The following AFAP1L1 variants were observed in gnomAD, a reference collection of about 807,000 sequenced individuals.
AFAP1L1 encodes the protein actin filament-associated protein 1-like 1.
Under a neutral mutation model 99.8 loss-of-function variants are expected in AFAP1L1, and 77 were observed. That is an observed-to-expected ratio of 0.77 (90% CI 0.64 to 0.93). AFAP1L1 has a LOEUF of 0.93. Among genes scored for constraint, AFAP1L1 ranks in the 40% least tolerant of loss-of-function variants. AFAP1L1 has a pLI of 0.00. For missense variants in AFAP1L1, 893 were observed against 996.8 expected (o/e 0.90, Z 1.40); for synonymous variants, 373 against 395.3 (o/e 0.94, Z 0.67).
Position 149,307,446 on chromosome 5 carries a change from G to A in AFAP1L1, c.580G>A (p.Glu194Lys). 1 of 1,614,144 alleles carries A rather than the reference G, an allele frequency of 6.2e-7. No homozygotes were observed. The highest frequency in any genetic ancestry group is 8.5e-7 in the Non-Finnish European group (1 of 1,180,016). Reference sequence around the variant, plus strand: ...GAGCAGCTCCTATGAGTCCTACGATGAAGAGGAGGAGGAAGGGAAGAGCCC... The same window carrying A: ...GAGCAGCTCCTATGAGTCCTACGATAAAGAGGAGGAGGAAGGGAAGAGCCC... ...AMSSSYESYD[E>K]EEEEGKSPQP... The change falls in exon 7 of 19, where the codon GAA becomes AAA. Residue 194 changes from glutamate to lysine, a missense_variant. Transcript: ENST00000296721.
chr5:149,314,341 T>C (rs1756732677), intron 9 of AFAP1L1, among the ~76,000 whole-genome samples: 2 of 152,148 alleles, frequency 1.3e-5, no homozygotes, highest in South Asian at 4.1e-4. Flanking sequence ...TTGAAAGATG[T>C]GTAGAGGGGA....
intron 1 of AFAP1L1, among the ~76,000 whole-genome samples, chr5:149,279,585 G>A (rs11954165): frequency 1.3e-5 from 2 of 152,148 alleles, no homozygotes; most frequent in Non-Finnish European, 2.9e-5. Context: ...TGCAATTAAG[G>A]ACAGTTATTT....
At chr5:149,299,717 C>A in intron 2 of AFAP1L1, 80 bp downstream of exon 2, 1 of 1,586,444 alleles carries the variant, frequency 6.3e-7, no homozygotes, top group South Asian at 1.1e-5. Context: ...CAAGAACATG[C>A]AGGAACCCTC....
At chr5:149,283,994 G>A (rs534344986) in intron 1 of AFAP1L1, among the ~76,000 whole-genome samples, 2 of 152,360 alleles carry the variant, frequency 1.3e-5, no homozygotes, top group African/African-American at 2.4e-5. Context: ...TATCTAGTCA[G>A]TGTCCATCAA....
chr5:149,291,517 T>C (rs1393774379), intron 1 of AFAP1L1, among the ~76,000 whole-genome samples: 1 of 88,822 alleles, frequency 1.1e-5, no homozygotes, highest in African/African-American at 4.9e-5. Context: ...AGAGCGTGAC[T>C]CCGTCTCAAA....
At chr5:149,293,830 CTAT>C (rs1454422917) in intron 1 of AFAP1L1, among the ~76,000 whole-genome samples, 1 of 152,180 alleles carries the variant, frequency 6.6e-6, no homozygotes, top group Non-Finnish European at 1.5e-5. Flanking sequence ...GGTTGGGATC[CTAT>C]TATTCTCATT....
intron 1 of AFAP1L1, among the ~76,000 whole-genome samples, chr5:149,293,009 C>G (rs1189731051): frequency 2.6e-5 from 4 of 152,214 alleles, no homozygotes; most frequent in Non-Finnish European, 5.9e-5. Context: ...TGTGCCACAG[C>G]CATCCCAAGC....
At chr5:149,302,237 TG>T (rs1756246308) in intron 4 of AFAP1L1, among the ~76,000 whole-genome samples, 180 bp from the exon 5 acceptor site, 2 of 151,806 alleles carry the variant, frequency 1.3e-5, no homozygotes, top group Non-Finnish European at 2.9e-5. Flanking sequence ...TAAAAAAAAT[TG>T]GGGTAAGAAT....
At chr5:149,333,371 A>ACTCCAGAGCCCTG (rs1757312534) in intron 17 of AFAP1L1, among the ~76,000 whole-genome samples, 1 of 152,128 alleles carries the variant, frequency 6.6e-6, no homozygotes, top group African/African-American at 2.4e-5. Flanking sequence ...AGGAAGTCTA[A>ACTCCAGAGCCCTG]CTCCAGAGCC....
chr5:149,277,464 A>G (rs1351713227), intron 1 of AFAP1L1, among the ~76,000 whole-genome samples: 1 of 152,134 alleles, frequency 6.6e-6, no homozygotes, highest in Admixed American at 6.5e-5. Flanking sequence ...AATCCATATG[A>G]TGACCTCCCC....
chr5:149,297,502 C>T (rs530995519), intron 1 of AFAP1L1, among the ~76,000 whole-genome samples: 14 of 152,278 alleles, frequency 9.2e-5, no homozygotes, highest in African/African-American at 1.9e-4. Context: ...GATGGAAACA[C>T]GCACAGAAAG....
At chr5:149,287,716 G>A (rs1755726255) in intron 1 of AFAP1L1, among the ~76,000 whole-genome samples, 1 of 151,424 alleles carries the variant, frequency 6.6e-6, no homozygotes, top group Non-Finnish European at 1.5e-5. Flanking sequence ...CTGAGTAGCT[G>A]GGACTACAGA....
rs1180542735 is a variant in AFAP1L1, at chr5:149,341,697, T to C, written c.*1667T>C. On this transcript the variant is annotated 3_prime_UTR_variant, in exon 19 of 19. Coordinates refer to ENST00000296721, the MANE Select transcript of AFAP1L1 (RefSeq NM_152406.4). ...GCTTGAGCCCAGGAGTTTGAGACTGTAGTGCACTATGATCACGCCTGTGAA... is the reference window on the plus strand; with the variant it reads ...GCTTGAGCCCAGGAGTTTGAGACTGCAGTGCACTATGATCACGCCTGTGAA... 1.3e-5 allele frequency: 2 copies of C among 151,992 alleles called. No homozygotes were observed. Among genetic ancestry groups the C allele is most frequent in the East Asian group, 3.9e-4 (2 of 5,180 alleles). The allele number at this position is 151,992 out of a possible 1,614,324, so 9.4% of individuals were successfully genotyped here. A position where few individuals can be genotyped will look rare whatever the true frequency, so the allele number is the denominator to read the frequency against.
At chr5:149,317,477 C>A (rs1014200714) in intron 11 of AFAP1L1, among the ~76,000 whole-genome samples, 3 of 152,150 alleles carry the variant, frequency 2.0e-5, no homozygotes, top group African/African-American at 7.2e-5. Context: ...TGCAGTAGTT[C>A]CTGCCCTTTT....
chr5:149,313,929 C>T (rs936218735), intron 9 of AFAP1L1, among the ~76,000 whole-genome samples: 3 of 152,206 alleles, frequency 2.0e-5, no homozygotes, highest in African/African-American at 7.2e-5. Context: ...GAACTGAAAA[C>T]GGCCAGTATG....
chr5:149,330,529 A>AT (rs762746685), intron 16 of AFAP1L1, among the ~76,000 whole-genome samples: 1 of 152,302 alleles, frequency 6.6e-6, no homozygotes, highest in East Asian at 1.9e-4. Context: ...TCAGGAGCTC[A>AT]TGTGGCTGCC....
At chr5:149,299,735 C>T (rs1289392974) in intron 2 of AFAP1L1, 98 bp downstream of exon 2, 12 of 1,538,132 alleles carry the variant, frequency 7.8e-6, no homozygotes, top group East Asian at 2.3e-5. Context: ...CTCCGCCCCA[C>T]CCCCACCCCC....
chr5:149,278,686 T>C lies in AFAP1L1; in HGVS notation c.16+6702T>C, dbSNP rs115113066. 3.5e-3 allele frequency among the ~76,000 whole-genome samples: 533 copies of C among 152,354 alleles called. 5 individuals carry two copies. Among genetic ancestry groups the C allele is most frequent in the African/African-American group, 0.012 (490 of 41,592 alleles). On this transcript the variant is annotated intron_variant, in intron 1 of 18. Coordinates refer to ENST00000296721, the MANE Select transcript of AFAP1L1 (RefSeq NM_152406.4). ...AAAGCAAGAAGAATGACACCCATAG[T>C]TGGGAGACTGAAATGCAATAATATT...
chr5:149,309,646 C>T (rs945333933), intron 7 of AFAP1L1, among the ~76,000 whole-genome samples: 32 of 152,316 alleles, frequency 2.1e-4, no homozygotes, highest in East Asian at 1.5e-3. Flanking sequence ...TAACTGGCTT[C>T]CTCCCGAGCC....
Sources: allele counts gnomAD v4.1 joint callset (sites outside exome capture counted in the v4.1 genomes callset), GRCh38; gene constraint gnomAD v4.1.1; transcripts MANE v1.5; gene names NCBI Gene and HGNC (gene_info 2026-07-23, HGNC 2026-07-21).